Variants in DNM1L observed in about 807,000 individuals in gnomAD.
DNM1L encodes dynamin 1L.
A neutral mutation model predicts 92.8 loss-of-function variants in DNM1L; 33 were observed. That is an observed-to-expected ratio of 0.36 (90% CI 0.27 to 0.48). The LOEUF (loss-of-function observed/expected upper bound fraction) is 0.48. DNM1L is among the 20% of genes least tolerant of loss of function. The pLI is 0.99. For missense variants in DNM1L, 485 were observed against 888.8 expected (o/e 0.55, Z 5.78); for synonymous variants, 284 against 305.0 (o/e 0.93, Z 0.72).
intron 16 of DNM1L, among the ~76,000 whole-genome samples, chr12:32,739,632 A>G (rs1019919744): frequency 3.9e-5 from 6 of 152,248 alleles, no homozygotes; most frequent in Admixed American, 6.5e-5. Context: ...ACGTAAGTTC[A>G]TGGAACTTTT....
chr12:32,736,046 A>C (rs1277625231), intron 13 of DNM1L, among the ~76,000 whole-genome samples: 1 of 149,474 alleles, frequency 6.7e-6, no homozygotes, highest in East Asian at 2.0e-4. Flanking sequence ...TAACATCTAC[A>C]GATTTCTATA....
chr12:32,705,432 G>A (rs376726108), intron 2 of DNM1L: 7 of 165,338 alleles, frequency 4.2e-5, no homozygotes, highest in African/African-American at 1.2e-4. Context: ...GTAGTAAGGC[G>A]GGAAAGAGTA....
intron 8 of DNM1L, 46 bp downstream of exon 8, chr12:32,720,841 A>G (rs199555829): frequency 7.2e-5 from 116 of 1,608,532 alleles, no homozygotes; most frequent in Non-Finnish European, 8.6e-5. Context: ...GTTTTTACCA[A>G]TTGGTGTCTG....
chr12:32,720,715 T>C lies in DNM1L; in HGVS notation c.792T>C (p.Asp264=), dbSNP rs1953764389. Residue 264 remains aspartate, a synonymous_variant, in exon 8 of 20, where the codon GAT becomes GAC. Transcript: ENST00000549701. ...NKKSVTDSIR[D]EYAFLQKKYP... ...AGAGTGTAACTGATTCAATCCGTGA[T>C]GAGTATGCTTTTCTTCAAAAGAAAT... The C allele has an allele frequency of 1.2e-6, 2 of 1,613,964 alleles. No individual in the cohort carries two copies. Among genetic ancestry groups the C allele is most frequent in the South Asian group, 2.2e-5 (2 of 91,082 alleles).
intron 1 of DNM1L, among the ~76,000 whole-genome samples, chr12:32,695,851 G>A (rs1952423824): frequency 6.6e-6 from 1 of 152,086 alleles, no homozygotes; most frequent in African/African-American, 2.4e-5. Flanking sequence ...GAACACAAGA[G>A]CAAGTAAACG....
At chr12:32,683,061 A>G (rs1951867351) in intron 1 of DNM1L, among the ~76,000 whole-genome samples, 1 of 152,144 alleles carries the variant, frequency 6.6e-6, no homozygotes, top group Admixed American at 6.6e-5. Flanking sequence ...CCAGGTATGT[A>G]ATCTAAACTA....
intron 1 of DNM1L, among the ~76,000 whole-genome samples, chr12:32,698,657 T>C (rs1952568077): frequency 6.6e-6 from 1 of 152,070 alleles, no homozygotes; most frequent in African/African-American, 2.4e-5. Context: ...AGTACAAGTT[T>C]TGACTAAGAA....
chr12:32,727,528 G>T, intron 9 of DNM1L: 1 of 535,938 alleles, frequency 1.9e-6, no homozygotes. Flanking sequence ...CTCTGAAAAT[G>T]GAAAAAAAAA....
chr12:32,743,696 T>TAGTTGTGCAAAG lies in DNM1L; in HGVS notation c.*287_*298dup. 4.6e-6 allele frequency: 2 copies of TAGTTGTGCAAAG among 434,600 alleles called. No individual in the cohort carries two copies. The highest frequency in any genetic ancestry group is 8.4e-6 in the Non-Finnish European group (2 of 239,108). 26.9% of individuals were successfully genotyped at this position (434,600 alleles called of 1,614,324 possible). On this transcript the variant is annotated 3_prime_UTR_variant, in exon 20 of 20. Coordinates refer to ENST00000549701, the MANE Select transcript of DNM1L (RefSeq NM_012062.5). ...AACTTAAAAACAACTGTTAATGTTCTAGTTGTGCAAAGCAGTTTGCCTGTG... is the reference window on the plus strand; with the variant it reads ...AACTTAAAAACAACTGTTAATGTTCTAGTTGTGCAAAGAGTTGTGCAAAGCAGTTTGCCTGTG...
In DNM1L at chr12:32,710,921, A is replaced by G. The variant is rs1439300828; in HGVS notation, c.370-8A>G. ...GAAATTTTAATATATTTTAAAATTTATTTTTAGGGAGTAAGCCCTGAACCA... is the reference window on the plus strand; with the variant it reads ...GAAATTTTAATATATTTTAAAATTTGTTTTTAGGGAGTAAGCCCTGAACCA... On this transcript the variant is annotated splice_polypyrimidine_tract_variant and splice_region_variant and intron_variant, in intron 4 of 19. Coordinates refer to ENST00000549701, the MANE Select transcript of DNM1L (RefSeq NM_012062.5). 2.5e-6 allele frequency: 4 copies of G among 1,596,638 alleles called. No individual in the cohort carries two copies. The Admixed American group carries it at 5.0e-5, about 20-fold the overall frequency.
At chr12:32,741,611 T>C (rs909614580) in intron 18 of DNM1L, among the ~76,000 whole-genome samples, 3 of 152,200 alleles carry the variant, frequency 2.0e-5, no homozygotes, top group Non-Finnish European at 1.5e-5. Flanking sequence ...GCCTCATCCA[T>C]ACTGTAGTAT....
At chr12:32,720,847 G>A (rs1016116976) in intron 8 of DNM1L, 52 bp downstream of exon 8, 1 of 1,604,904 alleles carries the variant, frequency 6.2e-7, no homozygotes, top group African/African-American at 1.3e-5. Flanking sequence ...ACCAATTGGT[G>A]TCTGAGAGGG....
chr12:32,683,091 G>A (rs1951868383), intron 1 of DNM1L, among the ~76,000 whole-genome samples: 2 of 152,118 alleles, frequency 1.3e-5, no homozygotes. Flanking sequence ...ATAGGTATCC[G>A]AATACAGATG....
intron 6 of DNM1L, among the ~76,000 whole-genome samples, chr12:32,717,925 ATATTTT>A (rs1953582135): frequency 4.9e-5 from 4 of 80,864 alleles, no homozygotes; most frequent in Non-Finnish European, 9.1e-5. Flanking sequence ...AATATAGTAT[ATATTTT>A]ATATATATAT....
chr12:32,737,103 A>G lies in DNM1L; in HGVS notation c.1540-2A>G. The G allele has an allele frequency of 6.2e-7, 1 of 1,613,688 alleles. No individual in the cohort carries two copies. Among genetic ancestry groups the G allele is most frequent in the Non-Finnish European group, 8.5e-7 (1 of 1,179,844 alleles). ...CACTTTTGTTTTGCTTGTGTTTCTTAGGAACAAAGGAGAAACAGGCTAGCC... is the reference window on the plus strand; with the variant it reads ...CACTTTTGTTTTGCTTGTGTTTCTTGGGAACAAAGGAGAAACAGGCTAGCC... On this transcript the variant is annotated splice_acceptor_variant, in intron 13 of 19. Transcript: ENST00000549701. LOFTEE classifies it high-confidence loss of function.
At chr12:32,730,269 C>T (rs980821727) in intron 9 of DNM1L, among the ~76,000 whole-genome samples, 3 of 152,212 alleles carry the variant, frequency 2.0e-5, no homozygotes, top group African/African-American at 7.2e-5. Context: ...GAGGCTGAGG[C>T]AGGAGAATCG....
chr12:32,688,024 C>T (rs1952092617), intron 1 of DNM1L, among the ~76,000 whole-genome samples: 2 of 152,032 alleles, frequency 1.3e-5, no homozygotes, highest in African/African-American at 4.8e-5. Context: ...CTCCTGGGTT[C>T]AAGCGATCCA....
chr12:32,719,816 G>A (rs1304726132), intron 7 of DNM1L, among the ~76,000 whole-genome samples: 2 of 152,128 alleles, frequency 1.3e-5, no homozygotes, highest in Non-Finnish European at 2.9e-5. Context: ...CCTGAGGTAG[G>A]TGTTGATGTC....
intron 1 of DNM1L, among the ~76,000 whole-genome samples, chr12:32,680,361 T>G (rs1370873738): frequency 1.3e-5 from 2 of 152,228 alleles, no homozygotes; most frequent in Non-Finnish European, 2.9e-5. Flanking sequence ...GTGCTTTCAT[T>G]TCTTAATAGT....
Sources: gnomAD v4.1 joint callset for allele counts (sites outside exome capture counted in the v4.1 genomes callset) on GRCh38, gnomAD v4.1.1 for gene constraint, MANE v1.5 for transcripts, NCBI Gene and HGNC (gene_info 2026-07-23, HGNC 2026-07-21) for gene names.